Variants in ISL1 observed in about 807,000 individuals in gnomAD.
ISL1 encodes the protein ISL LIM homeobox 1, also known as insulin gene enhancer protein ISL-1.
In ISL1, 4 loss-of-function variants were observed where a neutral mutation model predicts 35.3. That is an observed-to-expected ratio of 0.11 (90% CI 0.06 to 0.26). ISL1 has a LOEUF of 0.26. ISL1 is among the 10% of genes least tolerant of loss of function. The probability of loss-of-function intolerance (pLI) is 1.00; values close to 1 mark genes in which losing one functional copy is unlikely to be tolerated. For missense variants in ISL1, 340 were observed against 472.8 expected (o/e 0.72, Z 2.60); for synonymous variants, 186 against 172.3 (o/e 1.08, Z -0.62).
chr5:51,386,463 T>A, intron 2 of ISL1: 1 of 415,124 alleles, frequency 2.4e-6, no homozygotes, highest in Non-Finnish European at 4.7e-6. Context: ...GATTTCCACA[T>A]CTCTCCTTGG....
Position 51,387,709 on chromosome 5 carries a change from G to A in ISL1, c.438G>A (p.Pro146=), listed in dbSNP as rs773853383. The change falls in exon 3 of 6, where the codon CCG becomes CCA. Residue 146 remains proline (P), a synonymous_variant. Coordinates refer to ENST00000230658, the MANE Select transcript of ISL1 (RefSeq NM_002202.3). The surrounding 1 kb of genome is among the most constrained non-coding windows in gnomAD (Gnocchi z 4.3). Reference sequence around the variant, plus strand: ...GGGCCAGTCTAGGCGCTGGCGACCCGCTCAGTCCCCTGCATCCAGCGCGGC... The same window carrying A: ...GGGCCAGTCTAGGCGCTGGCGACCCACTCAGTCCCCTGCATCCAGCGCGGC... The part of the protein sequence containing the change: ...VERASLGAGD[P]LSPLHPARPL... 8.7e-6 allele frequency: 14 copies of A among 1,614,044 alleles called. 1 individual carries two copies. In the South Asian group the frequency reaches 1.1e-4, roughly 13 times the overall value.
intron 1 of ISL1, 122 bp from the exon 2 acceptor site, chr5:51,384,412 AAAAAAAG>A: frequency 5.0e-6 from 4 of 800,096 alleles, no homozygotes; most frequent in Non-Finnish European, 7.9e-6. Context: ...CTAAAAAAAA[AAAAAAAG>A]AAAGAAAGAA....
intron 1 of ISL1, 135 bp downstream of exon 1, chr5:51,383,834 CTTG>C (rs1747271708): frequency 1.3e-6 from 1 of 781,010 alleles, no homozygotes; most frequent in African/African-American, 1.7e-5. Context: ...GTGGCTTTTT[CTTG>C]TTGCCGCCAC....
Position 51,387,486 on chromosome 5 carries a change from A to G in ISL1, c.219-4A>G, listed in dbSNP as rs370285464. The G allele has an allele frequency of 1.7e-5, 27 of 1,613,556 alleles. No homozygotes were observed. The African/African-American group carries it at 3.1e-4, about 18-fold the overall frequency. ...CCGCCTCCGCTCCCCCCTCCCCCGC[A>G]CAGGTTGTACGGGATCAAATGCGCC... On this transcript the variant is annotated splice_region_variant and splice_polypyrimidine_tract_variant and intron_variant, in intron 2 of 5. Transcript: ENST00000230658. This position sits in a 1 kb window ranked among gnomAD's most constrained non-coding sequence, Gnocchi z 4.3.
intron 1 of ISL1, 82 bp from the exon 2 acceptor site, chr5:51,384,459 C>T: frequency 7.7e-7 from 1 of 1,299,348 alleles, no homozygotes; most frequent in East Asian, 2.3e-5. Context: ...AGAGTACGCC[C>T]TATAAGAGAA....
rs1747567307 is a variant in ISL1, at chr5:51,393,578, A to C, written c.1018A>C (p.Asn340His). 6.2e-7 allele frequency: 1 copy of C among 1,611,750 alleles called. No individual in the cohort carries two copies. The highest frequency in any genetic ancestry group is 8.5e-7 in the Non-Finnish European group (1 of 1,177,810). ...SMSSQLPDTP[N>H]SMVASPIEA ...GTCCTCTCAACTTCCAGATACACCT[A>C]ACAGCATGGTAGCCAGTCCTATTGA... Residue 340 changes from asparagine (N) to histidine (H), a missense_variant, in exon 6 of 6, where the codon AAC (asparagine) becomes CAC (histidine). Asn to His is a moderately conservative substitution (Grantham distance 68, BLOSUM62 1). Transcript: ENST00000230658.
At position 51,387,634 on chromosome 5, in the gene ISL1, G is replaced by A. The variant is rs1340354591; in HGVS notation, c.363G>A (p.Ala121=). 5 of 1,614,240 alleles carry A rather than the reference G, an allele frequency of 3.1e-6. No homozygotes were observed. Among genetic ancestry groups the A allele is most frequent in the Admixed American group, 3.3e-5 (2 of 60,032 alleles). The change falls in exon 3 of 6, where the codon GCG becomes GCA. Residue 121 remains alanine (A), a synonymous_variant. Transcript: ENST00000230658. This position sits in a 1 kb window ranked among gnomAD's most constrained non-coding sequence, Gnocchi z 4.3. ...AGCTCATCCCTGGGGACGAATTTGC[G>A]CTTCGGGAGGACGGTCTCTTCTGCC... ...SRQLIPGDEF[A]LREDGLFCRA... is the part of the protein sequence containing the mutation.
chr5:51,393,583 C>T lies in ISL1; in HGVS notation c.1023C>T (p.Ser341=), dbSNP rs772530855. The T allele has an allele frequency of 1.9e-6, 3 of 1,608,878 alleles. No homozygotes were observed. The Admixed American group carries it at 5.0e-5, about 27-fold the overall frequency. ...MSSQLPDTPN[S]MVASPIEA ...CTCAACTTCCAGATACACCTAACAG[C>T]ATGGTAGCCAGTCCTATTGAGGCAT... Residue 341 remains serine, a synonymous_variant, in exon 6 of 6, where the codon AGC becomes AGT. Coordinates refer to ENST00000230658, the MANE Select transcript of ISL1 (RefSeq NM_002202.3).
intron 2 of ISL1, among the ~76,000 whole-genome samples, 175 bp downstream of exon 2, chr5:51,384,905 TC>T (rs1272640528): frequency 4.6e-5 from 7 of 152,204 alleles, no homozygotes; most frequent in Non-Finnish European, 1.0e-4. Flanking sequence ...TTCATTTCAT[TC>T]TTTAGTTGAG....
chr5:51,388,167 A>G (rs1381749478), intron 3 of ISL1, among the ~76,000 whole-genome samples: 11 of 152,240 alleles, frequency 7.2e-5, no homozygotes, highest in Admixed American at 5.9e-4. Context: ...CTTTAACCCA[A>G]TGAAGGAAGC....
In ISL1 at chr5:51,391,331, G is replaced by A. The variant is rs371918442; in HGVS notation, c.823G>A (p.Gly275Ser). 1.1e-5 allele frequency: 17 copies of A among 1,613,770 alleles called. No individual in the cohort carries two copies. Among genetic ancestry groups the A allele is most frequent in the South Asian group, 2.2e-5 (2 of 91,058 alleles). ...GGCTGCCAGTCCAGAGAGACACGACGGTGGCTTACAGGCTAACCCAGTGGA... is the reference window on the plus strand; with the variant it reads ...GGCTGCCAGTCCAGAGAGACACGACAGTGGCTTACAGGCTAACCCAGTGGA... ...MVAASPERHDGGLQANPVEVQ... is the reference protein window; with the variant it reads ...MVAASPERHDSGLQANPVEVQ... Residue 275 changes from glycine to serine, a missense_variant, in exon 5 of 6, where the codon GGT becomes AGT. This residue lies in a region of ISL1 where 104 missense variants were observed against 97.3 expected (regional missense o/e 1.07). Coordinates refer to ENST00000230658, the MANE Select transcript of ISL1 (RefSeq NM_002202.3).
intron 5 of ISL1, among the ~76,000 whole-genome samples, chr5:51,391,785 T>G (rs1042988984): frequency 1.1e-4 from 16 of 152,152 alleles, no homozygotes; most frequent in Non-Finnish European, 2.1e-4. Context: ...TTTAGAGTTG[T>G]CAAGGACTTC....
Position 51,389,692 on chromosome 5 carries a change from C to T in ISL1, c.525C>T (p.His175=). ...AGCCAGCCCTGCGGCCCCACGTCCA[C>T]AAGCAGCCGGAGAAGACCACCCGCG... ...ARQPALRPHV[H]KQPEKTTRVR... The change falls in exon 4 of 6, where the codon CAC becomes CAT. Residue 175 remains histidine (H), a synonymous_variant. Coordinates refer to ENST00000230658, the MANE Select transcript of ISL1 (RefSeq NM_002202.3). This position sits in a 1 kb window ranked among gnomAD's most constrained non-coding sequence, Gnocchi z 5.0. The T allele has an allele frequency of 6.2e-7, 1 of 1,613,272 alleles. No individual in the cohort carries two copies. The highest frequency in any genetic ancestry group is 1.3e-5 in the African/African-American group (1 of 75,034).
At position 51,389,548 on chromosome 5, in the gene ISL1, G is replaced by T. The variant is rs1561207625; in HGVS notation, c.479-98G>T. On this transcript the variant is annotated intron_variant, in intron 3 of 5. Transcript: ENST00000230658. The surrounding 1 kb of genome is among the most constrained non-coding windows in gnomAD (Gnocchi z 5.0). ...GGGCGGGCGAGCAAGTAAGCGGGCGGGCGGGCGGGCAAGCGAGCGAGCGAG... is the reference window on the plus strand; with the variant it reads ...GGGCGGGCGAGCAAGTAAGCGGGCGTGCGGGCGGGCAAGCGAGCGAGCGAG... 1 of 1,131,576 alleles carries T rather than the reference G, an allele frequency of 8.8e-7. No individual in the cohort carries two copies. Among genetic ancestry groups the T allele is most frequent in the African/African-American group, 1.7e-5 (1 of 59,758 alleles). The allele number at this position is 1,131,576 out of a possible 1,614,324, so 70.1% of individuals were successfully genotyped here.
chr5:51,386,384 G>C (rs1428180413), intron 2 of ISL1: 1 of 259,032 alleles, frequency 3.9e-6, no homozygotes, highest in Non-Finnish European at 7.4e-6. Flanking sequence ...CTCTGTGTGT[G>C]TGTGTGTGTG....
In ISL1 at chr5:51,390,659, T is replaced by C. The variant is rs1225760313; in HGVS notation, c.766-615T>C. On this transcript the variant is annotated intron_variant, in intron 4 of 5. Coordinates refer to ENST00000230658, the MANE Select transcript of ISL1 (RefSeq NM_002202.3). Reference sequence around the variant, plus strand: ...TTCTTTTTCTTTTTTTTTTTTTTTTTTTTTTTTTTTTTTTTTTTTTTACTG... The same window carrying C: ...TTCTTTTTCTTTTTTTTTTTTTTTTCTTTTTTTTTTTTTTTTTTTTTACTG... 2.0e-4 allele frequency among the ~76,000 whole-genome samples: 25 copies of C among 127,316 alleles called. 1 individual carries two copies. The highest frequency in any genetic ancestry group is 5.9e-4 in the African/African-American group (21 of 35,594). The allele number at this position is 127,316 out of a possible 152,430, so 83.5% of individuals were successfully genotyped here.
chr5:51,393,716 C>G lies in ISL1; in HGVS notation c.*106C>G. 1.3e-6 allele frequency: 1 copy of G among 794,088 alleles called. No homozygotes were observed. Among genetic ancestry groups the G allele is most frequent in the Non-Finnish European group, 2.3e-6 (1 of 440,286 alleles). 49.2% of individuals were successfully genotyped at this position (794,088 alleles called of 1,614,324 possible). Reference sequence around the variant, plus strand: ...ACGACCCAGTCAATGAAAACTGAATCAAGAAATGAATGCTCCATGAAATGC... The same window carrying G: ...ACGACCCAGTCAATGAAAACTGAATGAAGAAATGAATGCTCCATGAAATGC... On this transcript the variant is annotated 3_prime_UTR_variant, in exon 6 of 6. Coordinates refer to ENST00000230658, the MANE Select transcript of ISL1 (RefSeq NM_002202.3).
In ISL1 at chr5:51,390,636, C is replaced by CCT. The variant is rs1747475980; in HGVS notation, c.766-638_766-637insCT. On this transcript the variant is annotated intron_variant, in intron 4 of 5. Transcript: ENST00000230658. ...TTTTCTTCCTTTTTTTCTTTTCTTT[C>CCT]TTTTTCTTTTTTTTTTTTTTTTTTT... is the stretch of plus-strand genomic sequence containing the variant. 5.0e-4 allele frequency among the ~76,000 whole-genome samples: 37 copies of CCT among 74,328 alleles called. 2 individuals carry two copies. The highest frequency in any genetic ancestry group is 1.5e-3 in the African/African-American group (35 of 23,672). The allele number at this position is 74,328 out of a possible 152,430, so 48.8% of individuals were successfully genotyped here.
intron 4 of ISL1, among the ~76,000 whole-genome samples, chr5:51,390,370 C>T (rs774356522): frequency 5.3e-5 from 8 of 152,102 alleles, no homozygotes; most frequent in Non-Finnish European, 1.2e-4. Flanking sequence ...CCAGGGGTTC[C>T]GTGGGCAGGT....
Sources: gnomAD v4.1 joint callset for allele counts (sites outside exome capture counted in the v4.1 genomes callset) on GRCh38, gnomAD v4.1.1 for gene constraint, gnomAD v4.1.1 regional missense constraint, Gnocchi (gnomAD v3.1) non-coding constraint, MANE v1.5 for transcripts, NCBI Gene and HGNC (gene_info 2026-07-23, HGNC 2026-07-21) for gene names.